Variants in POLR2F observed in about 807,000 individuals in gnomAD.
The protein encoded by POLR2F is DNA-directed RNA polymerases I, II, and III subunit RPABC2.
Under a neutral mutation model 22.7 loss-of-function variants are expected in POLR2F, and 12 were observed. The ratio of observed to expected loss-of-function variants is 0.53; its 90% confidence interval spans 0.34 to 0.86. The LOEUF (loss-of-function observed/expected upper bound fraction) is 0.86. Ranked by LOEUF, POLR2F falls within the 40% of genes least tolerant of loss-of-function variation. POLR2F has a pLI of 0.02. For missense variants in POLR2F, 126 were observed against 171.5 expected, an observed-to-expected ratio of 0.73 and a Z score of 1.48; for synonymous variants, 57 against 66.0, an observed-to-expected ratio of 0.86 and a Z score of 0.66.
At chr22:37,994,868 C>A (rs1371855001) in intron 1 of POLR2F, among the ~76,000 whole-genome samples, 1 of 152,036 alleles carries the variant, frequency 6.6e-6, no homozygotes, top group Non-Finnish European at 1.5e-5. Flanking sequence ...TCTCATTGAA[C>A]TCCTGAGCTC....
chr22:38,025,514 C>G, intron 1 of POLR2F: 2 of 1,427,026 alleles, frequency 1.4e-6, no homozygotes, highest in Non-Finnish European at 1.8e-6. Flanking sequence ...CCAACATTCA[C>G]AAATTCCCTG....
intron 1 of POLR2F, among the ~76,000 whole-genome samples, chr22:37,995,471 G>A (rs1470583582): frequency 2.0e-5 from 3 of 152,130 alleles, no homozygotes; most frequent in Non-Finnish European, 2.9e-5. Flanking sequence ...CGACCCTCCA[G>A]TACCAGCTGT....
chr22:38,003,720 G>A (rs2084795658), intron 1 of POLR2F, among the ~76,000 whole-genome samples: 1 of 151,848 alleles, frequency 6.6e-6, no homozygotes. Context: ...GGGATTACTG[G>A]TGCGCGCCAC....
chr22:37,962,247 CAAA>C (rs1054205313), intron 3 of POLR2F, among the ~76,000 whole-genome samples: 1 of 147,150 alleles, frequency 6.8e-6, no homozygotes, highest in African/African-American at 2.5e-5. Context: ...AACAAACAAA[CAAA>C]AAAAAAACAA....
intron 3 of POLR2F, among the ~76,000 whole-genome samples, chr22:37,963,273 G>A (rs1931722575): frequency 6.6e-6 from 1 of 151,662 alleles, no homozygotes; most frequent in Admixed American, 6.6e-5. Context: ...TTACAGGCAT[G>A]AGCCACCACG....
At chr22:37,982,646 G>T (rs1932435817), upstream of POLR2F, among the ~76,000 whole-genome samples, 1 of 152,114 alleles carries the variant, frequency 6.6e-6, no homozygotes. Flanking sequence ...TGGGGCCCTG[G>T]CAGGGAAGAT....
At chr22:38,005,683 G>A (rs774238722) in intron 1 of POLR2F, among the ~76,000 whole-genome samples, 2 of 152,214 alleles carry the variant, frequency 1.3e-5, no homozygotes, top group African/African-American at 2.4e-5. Context: ...GAGGGGCGAT[G>A]TAATCACCTA....
intron 1 of POLR2F, among the ~76,000 whole-genome samples, chr22:38,023,277 G>T (rs146409280): frequency 6.6e-6 from 1 of 152,100 alleles, no homozygotes. Context: ...TACACGTGGC[G>T]CTGGGACACT....
chr22:38,006,601 A>G (rs1263845297), intron 1 of POLR2F, among the ~76,000 whole-genome samples: 4 of 152,292 alleles, frequency 2.6e-5, no homozygotes, highest in East Asian at 1.9e-4. Context: ...GGAAATTTCA[A>G]TGTGGCTCTG....
chr22:37,983,467 C>G, upstream of POLR2F: 2 of 1,612,372 alleles, frequency 1.2e-6, no homozygotes, highest in Non-Finnish European at 1.7e-6. This position sits in a 1 kb window ranked among gnomAD's most constrained non-coding sequence, Gnocchi z 9.5. Context: ...CGTTCATGGG[C>G]CGCTTGACGT....
chr22:37,971,812 C>T (rs1160314582), downstream of POLR2F, among the ~76,000 whole-genome samples: 3 of 152,044 alleles, frequency 2.0e-5, no homozygotes. Flanking sequence ...TGCAAACTCC[C>T]GTCTGCTGAG....
At chr22:38,000,307 G>T (rs2084757638) in intron 1 of POLR2F, among the ~76,000 whole-genome samples, 1 of 152,204 alleles carries the variant, frequency 6.6e-6, no homozygotes, top group Non-Finnish European at 1.5e-5. Flanking sequence ...GTCTAGAAAA[G>T]AGAGGGCCTT....
chr22:37,987,483 T>TC lies in POLR2F; in HGVS notation c.120+1176dup, dbSNP rs56774398. 6,183 of 294,248 alleles carry TC rather than the reference T, an allele frequency of 0.021. 361 individuals are homozygous for TC. In the African/African-American group the frequency reaches 0.21, roughly 10 times the overall value. The allele number at this position is 294,248 out of a possible 1,614,324, so 18.2% of individuals were successfully genotyped here. Reference sequence around the variant, plus strand: ...GCTTTATGGAAGGCTCCGCCTGTGTTCCCCCACTGGGTCCCTGGTCCCTCA... The same window carrying TC: ...GCTTTATGGAAGGCTCCGCCTGTGTTCCCCCCACTGGGTCCCTGGTCCCTCA... On this transcript the variant is annotated intron_variant, in intron 1 of 2. Coordinates refer to the POLR2F transcript ENST00000333418.
chr22:38,025,432 G>C (rs2084998637), intron 1 of POLR2F: 3 of 1,188,842 alleles, frequency 2.5e-6, no homozygotes, highest in Non-Finnish European at 2.2e-6. Context: ...AGATACACAT[G>C]TGCACACACT....
chr22:37,955,538 CA>C (rs34340640), intron 1 of POLR2F, among the ~76,000 whole-genome samples: 149 of 133,290 alleles, frequency 1.1e-3, no homozygotes, highest in Middle Eastern at 4.0e-3. Flanking sequence ...GACTTTGTCT[CA>C]AAAAAAAAAA....
intron 1 of POLR2F, among the ~76,000 whole-genome samples, chr22:38,009,704 C>G (rs561718755): frequency 6.6e-6 from 1 of 152,056 alleles, no homozygotes; most frequent in Non-Finnish European, 1.5e-5. Context: ...TAGGCAACCA[C>G]GTGCAGTCAC....
downstream of POLR2F, among the ~76,000 whole-genome samples, chr22:38,029,639 T>C (rs1346009686): frequency 1.3e-5 from 2 of 152,200 alleles, no homozygotes; most frequent in African/African-American, 4.8e-5. Flanking sequence ...GTAACCTGGA[T>C]GGTTCAAGTT....
intron 4 of POLR2F, 96 bp from the exon 5 acceptor site, chr22:37,967,529 C>T (rs1203132879): frequency 1.9e-6 from 3 of 1,548,924 alleles, no homozygotes; most frequent in Non-Finnish European, 2.6e-6. Flanking sequence ...GCTCCTAAGA[C>T]TTCTCTTTGC....
downstream of POLR2F, among the ~76,000 whole-genome samples, chr22:38,029,364 A>C (rs1260724085): frequency 6.6e-6 from 1 of 152,186 alleles, no homozygotes; most frequent in Non-Finnish European, 1.5e-5. Context: ...AGCACCTCCT[A>C]AGCTTGTTGG....
Sources: allele counts gnomAD v4.1 joint callset (sites outside exome capture counted in the v4.1 genomes callset), GRCh38; gene constraint gnomAD v4.1.1; non-coding constraint Gnocchi (gnomAD v3.1); transcripts MANE v1.5; gene names NCBI Gene and HGNC (gene_info 2026-07-23, HGNC 2026-07-21).